NCKAP1L: variants seen among roughly 807,000 people sequenced by gnomAD.
NCKAP1L encodes nck-associated protein 1-like.
A neutral mutation model predicts 139.2 loss-of-function variants in NCKAP1L; 53 were observed. The ratio of observed to expected loss-of-function variants is 0.38; its 90% CI spans 0.31 to 0.48. The LOEUF (loss-of-function observed/expected upper bound fraction) is 0.48. NCKAP1L is among the 20% of genes least tolerant of loss of function. The pLI is 0.98. For synonymous variants in NCKAP1L, 468 were observed against 499.7 expected, an observed-to-expected ratio of 0.94 and a Z score of 0.85; for missense variants, 1,151 against 1,381.9, an observed-to-expected ratio of 0.83 and a Z score of 2.65.
intron 29 of NCKAP1L, among the ~76,000 whole-genome samples, chr12:54,537,756 T>C (rs1035936700): frequency 6.6e-6 from 1 of 152,236 alleles, no homozygotes; most frequent in Non-Finnish European, 1.5e-5. Flanking sequence ...GTAATCTTGA[T>C]GCTGCTTGTC....
chr12:54,528,900 G>C (rs372053515), intron 22 of NCKAP1L, among the ~76,000 whole-genome samples: 1 of 152,064 alleles, frequency 6.6e-6, no homozygotes, highest in Non-Finnish European at 1.5e-5. Flanking sequence ...CTTCCAAAGC[G>C]CTGGGATTAC....
At chr12:54,529,986 C>T (rs73310378) in intron 22 of NCKAP1L, among the ~76,000 whole-genome samples, 92 of 152,288 alleles carry the variant, frequency 6.0e-4, no homozygotes, top group African/African-American at 2.0e-3. Flanking sequence ...CCAAGTTGAT[C>T]GGTCAGGAAA....
At chr12:54,499,561 G>C (rs1376339204) in intron 2 of NCKAP1L, 96 bp downstream of exon 2, 6 of 708,968 alleles carry the variant, frequency 8.5e-6, no homozygotes, top group Non-Finnish European at 1.5e-5. Flanking sequence ...ACTTGGCAGG[G>C]GATGGAGTAG....
In NCKAP1L at chr12:54,538,739, G is replaced by C. The variant is rs1243518016; in HGVS notation, c.3184-145G>C. 4.7e-6 allele frequency: 3 copies of C among 644,414 alleles called. No individual in the cohort carries two copies. In the African/African-American group the frequency reaches 5.5e-5, roughly 12 times the overall value. The allele number at this position is 644,414 out of a possible 1,614,324, so 39.9% of individuals were successfully genotyped here. On this transcript the variant is annotated intron_variant, in intron 29 of 30. Transcript: ENST00000293373. ...CAACATGTATCTCTGAAACCTAGGAGATTTGCCACTTTCCCACCCTGAGTC... is the reference window on the plus strand; with the variant it reads ...CAACATGTATCTCTGAAACCTAGGACATTTGCCACTTTCCCACCCTGAGTC...
intron 22 of NCKAP1L, 73 bp from the exon 23 acceptor site, chr12:54,531,187 T>C: frequency 8.9e-7 from 1 of 1,123,764 alleles, no homozygotes; most frequent in Non-Finnish European, 1.3e-6. Context: ...ATATTCAAAT[T>C]ACCCTATAGC....
At position 54,531,256 on chromosome 12, in the gene NCKAP1L, C is replaced by T. The variant is rs200001635; in HGVS notation, c.2507-4C>T. 1 of 1,611,494 alleles carries T rather than the reference C, an allele frequency of 6.2e-7. No individual in the cohort carries two copies. The highest frequency in any genetic ancestry group is 1.1e-5 in the South Asian group (1 of 91,024). On this transcript the variant is annotated splice_polypyrimidine_tract_variant and splice_region_variant and intron_variant, in intron 22 of 30. Transcript: ENST00000293373. Reference sequence around the variant, plus strand: ...CATCTGGGGCCTCTGTAACTCTGTTCCAGAGATGCGGGCCTTGGCAGAACT... The same window carrying T: ...CATCTGGGGCCTCTGTAACTCTGTTTCAGAGATGCGGGCCTTGGCAGAACT...
intron 9 of NCKAP1L, 69 bp from the exon 10 acceptor site, chr12:54,516,170 C>T (rs1956929575): frequency 6.5e-7 from 1 of 1,540,142 alleles, no homozygotes; most frequent in East Asian, 2.2e-5. Context: ...TCTCTGAGGA[C>T]TGGGAAGGTG....
Position 54,516,920 on chromosome 12 carries a change from G to A in NCKAP1L, c.1023G>A (p.Arg341=). 1.9e-6 allele frequency: 3 copies of A among 1,612,374 alleles called. No individual in the cohort carries two copies. Among genetic ancestry groups the A allele is most frequent in the Non-Finnish European group, 2.5e-6 (3 of 1,178,950 alleles). The part of the protein sequence containing the change: ...ANSGQFHCQR[R]QFLRMAVKEL... Reference sequence around the variant, plus strand: ...GTGGCCAGTTTCATTGTCAACGGCGGCAATTTCTGCGGATGGCAGTGAAGG... The same window carrying A: ...GTGGCCAGTTTCATTGTCAACGGCGACAATTTCTGCGGATGGCAGTGAAGG... Residue 341 remains arginine (R), a synonymous_variant, in exon 11 of 31, where the codon CGG becomes CGA. Coordinates refer to ENST00000293373, the MANE Select transcript of NCKAP1L (RefSeq NM_005337.5).
At chr12:54,510,842 C>T (rs1300348426) in intron 7 of NCKAP1L, among the ~76,000 whole-genome samples, 3 of 151,606 alleles carry the variant, frequency 2.0e-5, no homozygotes, top group African/African-American at 4.8e-5. Context: ...TTTGTAGAGA[C>T]GAGGTATCAC....
chr12:54,542,740 A>C lies in NCKAP1L; in HGVS notation c.*55A>C. ...TTGGACCTTCCTAAACCCTTGCCAT[A>C]GTGGAAGCTGTGGTCACTTTCGCAG... On this transcript the variant is annotated 3_prime_UTR_variant, in exon 31 of 31. Transcript: ENST00000293373. 1.4e-6 allele frequency: 1 copy of C among 731,446 alleles called. No individual in the cohort carries two copies. Among genetic ancestry groups the C allele is most frequent in the Non-Finnish European group, 2.3e-6 (1 of 441,968 alleles). 45.3% of individuals were successfully genotyped at this position (731,446 alleles called of 1,614,324 possible).
intron 20 of NCKAP1L, 140 bp from the exon 21 acceptor site, chr12:54,526,387 TA>T (rs1332170398): frequency 1.1e-5 from 7 of 650,800 alleles, no homozygotes; most frequent in Non-Finnish European, 1.9e-5. Context: ...TCTAGCTTAT[TA>T]GGTTACTATG....
intron 30 of NCKAP1L, among the ~76,000 whole-genome samples, chr12:54,539,574 GT>G (rs1317654835): frequency 6.6e-6 from 1 of 152,148 alleles, no homozygotes; most frequent in African/African-American, 2.4e-5. Context: ...AACTTTAAAA[GT>G]TTTTTTCCTC....
At chr12:54,541,873 G>A (rs1386396615) in intron 30 of NCKAP1L, among the ~76,000 whole-genome samples, 1 of 151,956 alleles carries the variant, frequency 6.6e-6, no homozygotes, top group Non-Finnish European at 1.5e-5. Flanking sequence ...CTCAGGGATG[G>A]GGACCCTCCA....
chr12:54,520,648 T>C, intron 16 of NCKAP1L, 46 bp from the exon 17 acceptor site: 1 of 1,607,844 alleles, frequency 6.2e-7, no homozygotes, highest in Non-Finnish European at 8.5e-7. Context: ...ACCACTTTAC[T>C]AATAAGGACT....
chr12:54,503,147 TTG>T (rs748786843), intron 3 of NCKAP1L, among the ~76,000 whole-genome samples: 3 of 152,220 alleles, frequency 2.0e-5, no homozygotes, highest in Non-Finnish European at 4.4e-5. Context: ...AGCCTTTGTC[TTG>T]TATGACACTG....
At chr12:54,531,867 C>G (rs181978432) in intron 25 of NCKAP1L, 42 bp downstream of exon 25, 19 of 1,442,336 alleles carry the variant, frequency 1.3e-5, no homozygotes, top group African/African-American at 2.8e-5. Flanking sequence ...TCACAGATAC[C>G]TCTGTGGGTA....
At chr12:54,514,197 G>T (rs1707484) in intron 9 of NCKAP1L, among the ~76,000 whole-genome samples, 1 of 152,298 alleles carries the variant, frequency 6.6e-6, no homozygotes, top group African/African-American at 2.4e-5. Context: ...TTGTAACATA[G>T]TTTATTTACA....
intron 9 of NCKAP1L, among the ~76,000 whole-genome samples, chr12:54,513,294 G>T (rs887863167): frequency 6.6e-6 from 1 of 152,204 alleles, no homozygotes; most frequent in African/African-American, 2.4e-5. Context: ...GAAAGATTGC[G>T]TGGTTAGTTT....
At chr12:54,510,339 T>G in intron 7 of NCKAP1L, 1 of 437,212 alleles carries the variant, frequency 2.3e-6, no homozygotes, top group Non-Finnish European at 4.5e-6. Context: ...TTTTTATTTT[T>G]TTGAGACAGT....
Sources: allele counts gnomAD v4.1 joint callset (sites outside exome capture counted in the v4.1 genomes callset), GRCh38; gene constraint gnomAD v4.1.1; transcripts MANE v1.5; gene names NCBI Gene and HGNC (gene_info 2026-07-23, HGNC 2026-07-21).